Variants in DYNC1I1 observed in about 807,000 individuals in gnomAD.
DYNC1I1 encodes dynein cytoplasmic 1 intermediate chain 1.
A neutral mutation model predicts 86.6 loss-of-function variants in DYNC1I1; 43 were observed. That is an observed-to-expected ratio of 0.50 (90% CI 0.39 to 0.64). DYNC1I1 has a LOEUF of 0.64. DYNC1I1 is among the 30% of genes least tolerant of loss of function. The pLI is 0.00. For missense variants in DYNC1I1, 604 were observed against 788.8 expected (o/e 0.77, Z 2.81); for synonymous variants, 262 against 283.7 (o/e 0.92, Z 0.77).
intron 10 of DYNC1I1, among the ~76,000 whole-genome samples, chr7:96,023,691 G>A (rs948410903): frequency 3.9e-5 from 6 of 152,150 alleles, no homozygotes; most frequent in Non-Finnish European, 7.4e-5. Flanking sequence ...ATGATGAAGA[G>A]GTGGAACTCT....
rs113046129 is a variant in DYNC1I1 at position 95,894,584 on chromosome 7, G to T, written c.490+24586G>T. On this transcript the variant is annotated intron_variant, in intron 6 of 16. Coordinates refer to ENST00000447467, the MANE Select transcript of DYNC1I1 (RefSeq NM_001135556.2). ...CATAGATTCTTCTAGTTAGTAATAG[G>T]TTGGTGCAAAAGTAATCACAGTTTA... 8.9e-3 allele frequency among the ~76,000 whole-genome samples: 1,357 copies of T among 152,246 alleles called. 22 individuals are homozygous for T. The highest frequency in any genetic ancestry group is 0.03 in the African/African-American group (1,261 of 41,542).
rs1319836659 is a variant in DYNC1I1, at chr7:95,988,232, C to T, written c.843+1077C>T. Among the ~76,000 whole-genome samples the T allele has an allele frequency of 2.6e-5, 4 of 152,108 alleles. No homozygotes were observed. In the East Asian group the frequency reaches 7.7e-4, roughly 29 times the overall value. On this transcript the variant is annotated intron_variant, in intron 9 of 16. Coordinates refer to ENST00000447467, the MANE Select transcript of DYNC1I1 (RefSeq NM_001135556.2). ...TCTCTACTAAAAATGCAAAAAGTAG[C>T]CGAGTGTGGTGGCAAATGCCTGTAA...
chr7:95,991,630 A>G (rs1202847296), intron 9 of DYNC1I1, among the ~76,000 whole-genome samples: 1 of 151,962 alleles, frequency 6.6e-6, no homozygotes, highest in African/African-American at 2.4e-5. Context: ...GCAATTAATT[A>G]ATTATCCCTG....
At chr7:95,869,401 T>C (rs137912813) in intron 5 of DYNC1I1, among the ~76,000 whole-genome samples, 1 of 152,286 alleles carries the variant, frequency 6.6e-6, no homozygotes, top group Non-Finnish European at 1.5e-5. Flanking sequence ...ATGAGAAGTG[T>C]TAAACTCATT....
At chr7:95,826,740 T>A (rs773785021) in intron 4 of DYNC1I1, among the ~76,000 whole-genome samples, 5 of 151,950 alleles carry the variant, frequency 3.3e-5, no homozygotes, top group Non-Finnish European at 7.4e-5. Context: ...TGAGATCAGG[T>A]GGTGAAGCAG....
intron 5 of DYNC1I1, among the ~76,000 whole-genome samples, chr7:95,860,911 A>G (rs1789859584): frequency 6.6e-6 from 1 of 152,014 alleles, no homozygotes; most frequent in South Asian, 2.1e-4. Context: ...TTTCTAAAAG[A>G]CCCCCCATCT....
At chr7:95,891,509 A>G (rs1790738333) in intron 6 of DYNC1I1, among the ~76,000 whole-genome samples, 1 of 152,148 alleles carries the variant, frequency 6.6e-6, no homozygotes, top group Non-Finnish European at 1.5e-5. Flanking sequence ...AGATACCTGA[A>G]TTTATGTTTA....
intron 6 of DYNC1I1, among the ~76,000 whole-genome samples, chr7:95,874,558 G>T (rs1051565169): frequency 5.9e-5 from 9 of 152,182 alleles, no homozygotes; most frequent in Non-Finnish European, 5.9e-5. Context: ...ATACGACTAT[G>T]TTTGTAAATA....
In DYNC1I1 at chr7:95,772,614, C is replaced by T. The variant is rs1174828297; in HGVS notation, c.-169C>T. 6.6e-6 allele frequency: 1 copy of T among 152,150 alleles called. No homozygotes were observed. The highest frequency in any genetic ancestry group is 1.5e-5 in the Non-Finnish European group (1 of 68,064). 9.4% of individuals were successfully genotyped at this position (152,150 alleles called of 1,614,324 possible). A position where few individuals can be genotyped will look rare whatever the true frequency, so the allele number is the denominator to read the frequency against. Reference sequence around the variant, plus strand: ...TCTGGGAGAGAGGAAGTGATCGCTCCCGGAGGAGCGCGAGCCGAGCGGCCG... The same window carrying T: ...TCTGGGAGAGAGGAAGTGATCGCTCTCGGAGGAGCGCGAGCCGAGCGGCCG... On this transcript the variant is annotated 5_prime_UTR_variant, in exon 1 of 17. Transcript: ENST00000447467.
intron 6 of DYNC1I1, among the ~76,000 whole-genome samples, chr7:95,937,936 A>G (rs1307308631): frequency 2.0e-5 from 3 of 152,056 alleles, no homozygotes; most frequent in African/African-American, 7.2e-5. Flanking sequence ...ATACCTCCAT[A>G]ATATATAATA....
At chr7:96,086,246 T>G (rs893963938) in intron 16 of DYNC1I1, among the ~76,000 whole-genome samples, 1 of 152,236 alleles carries the variant, frequency 6.6e-6, no homozygotes, top group Non-Finnish European at 1.5e-5. Flanking sequence ...TTAGTTAGAA[T>G]GCTGTTTGCA....
intron 14 of DYNC1I1, 49 bp from the exon 15 acceptor site, chr7:96,076,008 C>T (rs758905623): frequency 2.5e-6 from 4 of 1,595,676 alleles, no homozygotes; most frequent in South Asian, 2.2e-5. Flanking sequence ...CTAGACAGCC[C>T]GAGGCAGCAG....
chr7:96,097,633 TC>T lies in DYNC1I1; in HGVS notation c.*42del. The stretch of plus-strand genomic sequence containing the variant: ...CCCCACTGCAGCCCCCACCTTTGTG[TC>T]CTAGAGCTCAGCGTCTGCAGTCAAG... On this transcript the variant is annotated 3_prime_UTR_variant, in exon 17 of 17. Coordinates refer to ENST00000447467, the MANE Select transcript of DYNC1I1 (RefSeq NM_001135556.2). The T allele has an allele frequency of 6.2e-7, 1 of 1,611,350 alleles. No individual in the cohort carries two copies. The highest frequency in any genetic ancestry group is 8.5e-7 in the Non-Finnish European group (1 of 1,178,498).
chr7:95,915,745 CA>C (rs1441406583), intron 6 of DYNC1I1, among the ~76,000 whole-genome samples: 1 of 152,126 alleles, frequency 6.6e-6, no homozygotes, highest in Non-Finnish European at 1.5e-5. Flanking sequence ...TCTTTTCACT[CA>C]AATGGGCTAT....
intron 10 of DYNC1I1, among the ~76,000 whole-genome samples, chr7:96,009,527 A>G (rs1219027490): frequency 2.0e-5 from 3 of 152,166 alleles, no homozygotes; most frequent in Non-Finnish European, 4.4e-5. Context: ...TCTCTCCCCC[A>G]AAGTGTGTAT....
intron 5 of DYNC1I1, among the ~76,000 whole-genome samples, chr7:95,831,328 C>T (rs545637973): frequency 6.6e-6 from 1 of 152,022 alleles, no homozygotes; most frequent in African/African-American, 2.4e-5. Flanking sequence ...ACACAATTCA[C>T]CTATGAAATC....
chr7:95,825,808 C>A (rs765639302), intron 4 of DYNC1I1, among the ~76,000 whole-genome samples: 1 of 152,184 alleles, frequency 6.6e-6, no homozygotes. Context: ...ATGCTGACTA[C>A]TGAAAGCAAT....
intron 14 of DYNC1I1, among the ~76,000 whole-genome samples, chr7:96,060,689 T>C (rs76217109): frequency 1.3e-5 from 2 of 152,036 alleles, no homozygotes; most frequent in African/African-American, 4.8e-5. Context: ...ACCACTCTGG[T>C]AGGGGATATT....
At chr7:95,967,590 A>T (rs751386643) in intron 6 of DYNC1I1, among the ~76,000 whole-genome samples, 1 of 152,260 alleles carries the variant, frequency 6.6e-6, no homozygotes, top group East Asian at 1.9e-4. Context: ...TGTGACACCT[A>T]CTACTGTGTT....
Sources: gnomAD v4.1 joint callset for allele counts (sites outside exome capture counted in the v4.1 genomes callset) on GRCh38, gnomAD v4.1.1 for gene constraint, MANE v1.5 for transcripts, NCBI Gene and HGNC (gene_info 2026-07-23, HGNC 2026-07-21) for gene names.